The following SNAP47 variants were observed in gnomAD, a reference collection of about 807,000 sequenced individuals.
SNAP47 encodes the protein synaptosome associated protein 47.
In SNAP47, 20 loss-of-function variants were observed where a neutral mutation model predicts 31.4. That is an observed-to-expected ratio of 0.64 (90% CI 0.45 to 0.93). The LOEUF (loss-of-function observed/expected upper bound fraction) is 0.93, where lower values mean the gene tolerates loss of function less well. Ranked by LOEUF, SNAP47 falls within the 40% of genes least tolerant of loss-of-function variation. The pLI, the probability that SNAP47 is intolerant of heterozygous loss-of-function variation, is 0.00. For synonymous variants in SNAP47, 194 were observed against 213.4 expected, an observed-to-expected ratio of 0.91 and a Z score of 0.79; for missense variants, 492 against 528.5, an observed-to-expected ratio of 0.93 and a Z score of 0.68.
rs1015862512 is a variant in SNAP47, at chr1:227,771,780, C to T, written c.1113+4697C>T. On this transcript the variant is annotated intron_variant, in intron 4 of 4. Transcript: ENST00000617596. ...CCCAGGACCCTGGGCTGAGCAGGGC[C>T]CATGGCTTCAGAGTGATGGGGACAG... 2.0e-4 allele frequency among the ~76,000 whole-genome samples: 30 copies of T among 151,920 alleles called. No individual in the cohort carries two copies. In the Middle Eastern group the frequency reaches 0.01, roughly 52 times the overall value.
Position 227,773,420 on chromosome 1 carries a change from G to A in SNAP47, c.1113+6337G>A, listed in dbSNP as rs76415492. Among the ~76,000 whole-genome samples, 788 of 152,284 alleles carry A rather than the reference G, an allele frequency of 5.2e-3. 13 individuals are homozygous for A. Among genetic ancestry groups the A allele is most frequent in the East Asian group, 0.038 (195 of 5,186 alleles). On this transcript the variant is annotated intron_variant, in intron 4 of 4. Coordinates refer to ENST00000617596, the MANE Select transcript of SNAP47 (RefSeq NM_053052.4). ...AGAAGAGTCAGAGTTAAAGAAAATC[G>A]TAGTTTGTAATATACAAAAGTTACA...
intron 2 of SNAP47, among the ~76,000 whole-genome samples, chr1:227,752,487 G>T (rs1024950089): frequency 6.6e-6 from 1 of 152,116 alleles, no homozygotes; most frequent in Non-Finnish European, 1.5e-5. Flanking sequence ...GTCATGCAGG[G>T]TTTTTCTCTC....
At chr1:227,736,716 G>T (rs527575858) in intron 1 of SNAP47, among the ~76,000 whole-genome samples, 61 of 144,486 alleles carry the variant, frequency 4.2e-4, no homozygotes, top group African/African-American at 1.3e-3. Flanking sequence ...TAGAGACAGG[G>T]TCTCTGTGTT....
At position 227,759,263 on chromosome 1, in the gene SNAP47, G is replaced by A. The variant is rs1257252140; in HGVS notation, c.766G>A (p.Asp256Asn). The change falls in exon 3 of 5, where the codon GAC becomes AAC. Residue 256 changes from aspartate (D) to asparagine (N), a missense_variant. Coordinates refer to ENST00000617596, the MANE Select transcript of SNAP47 (RefSeq NM_053052.4). ...LMHRFEREDV[D>N]DIKVHSPYEI... The stretch of plus-strand genomic sequence containing the variant: ...GCACAGGTTTGAAAGAGAAGACGTG[G>A]ACGACATCAAGGTCCACTCACCTTA... 4 of 1,614,084 alleles carry A rather than the reference G, an allele frequency of 2.5e-6. No individual in the cohort carries two copies. The highest frequency in any genetic ancestry group is 3.4e-6 in the Non-Finnish European group (4 of 1,180,056).
chr1:227,777,734 T>G (rs1241127759), intron 4 of SNAP47, among the ~76,000 whole-genome samples: 4 of 152,192 alleles, frequency 2.6e-5, no homozygotes, highest in African/African-American at 9.7e-5. Flanking sequence ...TCAGCTACTC[T>G]TAGTGTCATC....
intron 3 of SNAP47, among the ~76,000 whole-genome samples, chr1:227,766,524 T>C (rs1663412034): frequency 1.3e-5 from 2 of 152,150 alleles, no homozygotes; most frequent in African/African-American, 4.8e-5. Context: ...GGCGCAGACG[T>C]GTGGCAGTGC....
intron 1 of SNAP47, among the ~76,000 whole-genome samples, chr1:227,736,690 T>G (rs1571977377): frequency 6.9e-6 from 1 of 144,936 alleles, no homozygotes; most frequent in Admixed American, 6.8e-5. Flanking sequence ...GTTTTTGTTT[T>G]TTTTTTTTTT....
At chr1:227,749,207 C>T (rs1182857208) in intron 2 of SNAP47, among the ~76,000 whole-genome samples, 5 of 151,906 alleles carry the variant, frequency 3.3e-5, no homozygotes, top group South Asian at 2.1e-4. Flanking sequence ...TTTTTTGTCG[C>T]GGTCGTTTTT....
At chr1:227,764,148 A>C (rs2102967554) in intron 3 of SNAP47, among the ~76,000 whole-genome samples, 1 of 152,318 alleles carries the variant, frequency 6.6e-6, no homozygotes, top group African/African-American at 2.4e-5. Flanking sequence ...GTTTAATTGC[A>C]GTCACTCATG....
intron 2 of SNAP47, among the ~76,000 whole-genome samples, chr1:227,752,222 A>G (rs1662421805): frequency 6.6e-6 from 1 of 152,164 alleles, no homozygotes; most frequent in Admixed American, 6.5e-5. Flanking sequence ...CTCTCACCTC[A>G]CATGCCTGTC....
In SNAP47 at chr1:227,780,975, CGTCTT is replaced by C. The variant is rs1367513134; in HGVS notation, c.*307_*311del. 3 of 379,076 alleles carry C rather than the reference CGTCTT, an allele frequency of 7.9e-6. No individual in the cohort carries two copies. The East Asian group carries it at 1.5e-4, about 19-fold the overall frequency. The allele number at this position is 379,076 out of a possible 1,614,324, so 23.5% of individuals were successfully genotyped here. A position where few individuals can be genotyped will look rare whatever the true frequency, so the allele number is the denominator to read the frequency against. ...GCACAGGCCTGGAAGAGGCCGCCCT[CGTCTT>C]GTCTCGGCTCCCTTTCATGGACAGA... On this transcript the variant is annotated 3_prime_UTR_variant, in exon 5 of 5. Transcript: ENST00000617596.
chr1:227,728,360 G>GC (rs1660442910), upstream of SNAP47, among the ~76,000 whole-genome samples: 1 of 152,070 alleles, frequency 6.6e-6, no homozygotes, highest in South Asian at 2.1e-4. Context: ...GGGGGGGCGG[G>GC]CCCCGCTGTG....
chr1:227,732,844 C>A, upstream of SNAP47: 1 of 1,610,110 alleles, frequency 6.2e-7, no homozygotes, highest in African/African-American at 1.3e-5. Flanking sequence ...CTAAAAGCCT[C>A]CCCCAGGAGG....
intron 1 of SNAP47, among the ~76,000 whole-genome samples, chr1:227,736,852 ATATAGAGTGGGC>A (rs1661238141): frequency 6.6e-6 from 1 of 151,810 alleles, no homozygotes; most frequent in African/African-American, 2.4e-5. Context: ...GGGAACTTTC[ATATAGAGTGGGC>A]TGCGGTAGTC....
rs777468312 is a variant in SNAP47, at chr1:227,735,482, T to G, written c.-63T>G. The stretch of plus-strand genomic sequence containing the variant: ...GAGGCGCCGCGGTCGGCTCTGGGAC[T>G]CGTCTGGCGTCCCTCAGGTGAGCGA... On this transcript the variant is annotated 5_prime_UTR_variant, in exon 1 of 5. Coordinates refer to ENST00000617596, the MANE Select transcript of SNAP47 (RefSeq NM_053052.4). 1 of 1,419,670 alleles carries G rather than the reference T, an allele frequency of 7.0e-7. No individual in the cohort carries two copies. The highest frequency in any genetic ancestry group is 9.1e-7 in the Non-Finnish European group (1 of 1,096,746). The allele number at this position is 1,419,670 out of a possible 1,614,324, so 87.9% of individuals were successfully genotyped here. A position where few individuals can be genotyped will look rare whatever the true frequency, so the allele number is the denominator to read the frequency against.
intron 2 of SNAP47, 133 bp downstream of exon 2, chr1:227,748,366 C>A: frequency 9.8e-7 from 1 of 1,018,890 alleles, no homozygotes; most frequent in Non-Finnish European, 1.4e-6. Flanking sequence ...GGCTGTGCAC[C>A]TGCTGTACAT....
upstream of SNAP47, chr1:227,735,377 C>T (rs1661041423): frequency 2.5e-6 from 4 of 1,588,988 alleles, no homozygotes; most frequent in Non-Finnish European, 3.4e-6. Flanking sequence ...GCGTTTCTGC[C>T]CCGCCAGCGC....
chr1:227,729,036 T>C (rs754559542), intron 1 of SNAP47, among the ~76,000 whole-genome samples: 1 of 152,078 alleles, frequency 6.6e-6, no homozygotes, highest in Non-Finnish European at 1.5e-5. Flanking sequence ...GATTAGGGCG[T>C]GGGGCCCCAG....
At chr1:227,749,768 C>A (rs1047963738) in intron 2 of SNAP47, among the ~76,000 whole-genome samples, 1 of 123,682 alleles carries the variant, frequency 8.1e-6, no homozygotes, top group Non-Finnish European at 1.8e-5. Flanking sequence ...GTCTGTGTGT[C>A]GTCTGTATGT....
Sources: gnomAD v4.1 joint callset for allele counts (sites outside exome capture counted in the v4.1 genomes callset) on GRCh38, gnomAD v4.1.1 for gene constraint, MANE v1.5 for transcripts, NCBI Gene and HGNC (gene_info 2026-07-23, HGNC 2026-07-21) for gene names.